The following ZNF618 variants were observed in gnomAD, a reference collection of about 807,000 sequenced individuals.
The protein encoded by ZNF618 is neural precursor cell expressed, developmentally down-regulated 10.
A neutral mutation model predicts 103.0 loss-of-function variants in ZNF618; 34 were observed. The ratio of observed to expected loss-of-function variants is 0.33; its 90% confidence interval spans 0.25 to 0.44. ZNF618 has a LOEUF of 0.44. ZNF618 is among the 20% of genes least tolerant of loss of function. ZNF618 has a pLI of 1.00. For synonymous variants in ZNF618, 551 were observed against 542.2 expected, an observed-to-expected ratio of 1.02 and a Z score of -0.23; for missense variants, 1,059 against 1,295.4, an observed-to-expected ratio of 0.82 and a Z score of 2.80.
intron 1 of ZNF618, among the ~76,000 whole-genome samples, chr9:113,964,371 C>A (rs1837158500): frequency 6.6e-6 from 1 of 152,120 alleles, no homozygotes; most frequent in Admixed American, 6.6e-5. Flanking sequence ...TTATGGGCGC[C>A]CCAGCATTCT....
At chr9:113,916,530 C>T (rs1478475241) in intron 1 of ZNF618, among the ~76,000 whole-genome samples, 3 of 152,112 alleles carry the variant, frequency 2.0e-5, no homozygotes, top group Non-Finnish European at 4.4e-5. Flanking sequence ...GGAGCTGTCC[C>T]GTGGAAAGGG....
At chr9:114,009,973 A>G (rs1166863942) in intron 9 of ZNF618, among the ~76,000 whole-genome samples, 1 of 152,268 alleles carries the variant, frequency 6.6e-6, no homozygotes. Context: ...TGTCACATGC[A>G]TAGTAAACAC....
intron 2 of ZNF618, among the ~76,000 whole-genome samples, chr9:113,977,201 G>T (rs1181005706): frequency 6.6e-6 from 1 of 152,166 alleles, no homozygotes; most frequent in Non-Finnish European, 1.5e-5. Context: ...GCAAAGCTAT[G>T]TCAGCAGCTG....
intron 1 of ZNF618, among the ~76,000 whole-genome samples, chr9:113,956,703 G>T (rs1836338241): frequency 6.6e-6 from 1 of 152,176 alleles, no homozygotes; most frequent in African/African-American, 2.4e-5. Flanking sequence ...GTTGTCCTGT[G>T]GTCAGGGAAG....
rs1252713640 is a variant in ZNF618 at position 114,048,899 on chromosome 9, G to A, written c.1597G>A (p.Val533Met). ...LKHLPRMYNQ[V>M]KVKVTCALGS... ...GCACCTGCCACGCATGTACAACCAG[G>A]TGAAGGTGAAAGTGACCTGTGCCTT... The change falls in exon 15 of 15, where the codon GTG (valine) becomes ATG (methionine). Residue 533 changes from valine (V) to methionine (M), a missense_variant. Around this residue, in one of 6 missense-constraint regions of ZNF618, gnomAD observed 272 missense variants for 380.1 expected, o/e 0.72. Coordinates refer to ENST00000374126, the MANE Select transcript of ZNF618 (RefSeq NM_001318042.2). 6.2e-7 allele frequency: 1 copy of A among 1,608,780 alleles called. No individual in the cohort carries two copies. The highest frequency in any genetic ancestry group is 8.5e-7 in the Non-Finnish European group (1 of 1,177,586).
chr9:113,913,183 A>C (rs1831718820), intron 1 of ZNF618, among the ~76,000 whole-genome samples: 1 of 152,012 alleles, frequency 6.6e-6, no homozygotes, highest in Admixed American at 6.6e-5. Context: ...TGCCCCTAGA[A>C]TCTCACTCAG....
chr9:113,946,206 C>A (rs1835015419), intron 1 of ZNF618, among the ~76,000 whole-genome samples: 1 of 152,180 alleles, frequency 6.6e-6, no homozygotes, highest in Non-Finnish European at 1.5e-5. Context: ...ACAGGCTTAG[C>A]CCCCTCACGG....
chr9:113,930,650 C>T (rs1833498206), intron 1 of ZNF618, among the ~76,000 whole-genome samples: 1 of 152,234 alleles, frequency 6.6e-6, no homozygotes, highest in Admixed American at 6.5e-5. Flanking sequence ...AACGTACTCA[C>T]ATTTCTGTCC....
chr9:113,998,555 G>C (rs949298747), intron 4 of ZNF618, among the ~76,000 whole-genome samples: 7 of 152,224 alleles, frequency 4.6e-5, no homozygotes, highest in African/African-American at 1.7e-4. Context: ...GACTACTGGA[G>C]GGACGATAGA....
At chr9:114,001,227 G>A (rs536219457) in intron 4 of ZNF618, among the ~76,000 whole-genome samples, 40 of 151,904 alleles carry the variant, frequency 2.6e-4, no homozygotes, top group Admixed American at 6.5e-4. Context: ...CTCACTAGGA[G>A]CTTGGCCATT....
At chr9:113,917,774 G>A (rs1314649609) in intron 1 of ZNF618, among the ~76,000 whole-genome samples, 7 of 152,046 alleles carry the variant, frequency 4.6e-5, no homozygotes, top group Non-Finnish European at 1.0e-4. Context: ...CTTTGATTTC[G>A]AAAGATTTCA....
In ZNF618 at chr9:114,049,321, C is replaced by T. The variant is rs777684366; in HGVS notation, c.2019C>T (p.Gly673=). The part of the protein sequence containing the change: ...ELLNVCEDLA[G]STGLAKETFG... ...TCAACGTGTGCGAGGACCTGGCGGG[C>T]TCCACGGGCCTGGCCAAGGAGACCT... The change falls in exon 15 of 15, where the codon GGC becomes GGT. Residue 673 remains glycine, a synonymous_variant. Transcript: ENST00000374126. 6.2e-7 allele frequency: 1 copy of T among 1,611,554 alleles called. No homozygotes were observed. Among genetic ancestry groups the T allele is most frequent in the South Asian group, 1.1e-5 (1 of 91,008 alleles).
At chr9:113,985,736 G>GA (rs1448575883) in intron 2 of ZNF618, among the ~76,000 whole-genome samples, 16 of 152,310 alleles carry the variant, frequency 1.1e-4, no homozygotes, top group African/African-American at 3.4e-4. Context: ...AGTCCAGGCT[G>GA]CCTGCATCAG....
chr9:114,033,123 T>C (rs928361675), intron 12 of ZNF618, among the ~76,000 whole-genome samples: 1 of 152,140 alleles, frequency 6.6e-6, no homozygotes, highest in Non-Finnish European at 1.5e-5. Flanking sequence ...GAGAGAGCTC[T>C]AAGAGGCCGG....
chr9:114,016,010 G>T (rs1033147249), intron 9 of ZNF618: 2 of 1,108,698 alleles, frequency 1.8e-6, no homozygotes, highest in African/African-American at 1.6e-5. Context: ...CTCCCCCAAG[G>T]GGGTAGATGC....
chr9:113,885,960 G>A (rs939462323), intron 1 of ZNF618, among the ~76,000 whole-genome samples: 2 of 152,178 alleles, frequency 1.3e-5, no homozygotes, highest in African/African-American at 4.8e-5. Flanking sequence ...CCCCCAGTCT[G>A]CTATAGAAAA....
intron 10 of ZNF618, 118 bp from the exon 11 acceptor site, chr9:114,028,615 A>G (rs888711629): frequency 1.5e-6 from 2 of 1,351,394 alleles, no homozygotes; most frequent in African/African-American, 1.5e-5. Flanking sequence ...TCTCTGTGGC[A>G]CAAGAAGAGG....
chr9:113,919,284 A>G (rs1238662600), intron 1 of ZNF618, among the ~76,000 whole-genome samples: 4 of 152,202 alleles, frequency 2.6e-5, no homozygotes, highest in African/African-American at 9.7e-5. Flanking sequence ...GGCTGATGGC[A>G]GAGGTCCTGG....
At chr9:113,922,502 C>T (rs188946575) in intron 1 of ZNF618, among the ~76,000 whole-genome samples, 5 of 138,512 alleles carry the variant, frequency 3.6e-5, no homozygotes, top group East Asian at 2.1e-4. Flanking sequence ...TTTTTGCATG[C>T]GGATGCCCAG....
Sources: gnomAD v4.1 joint callset for allele counts (sites outside exome capture counted in the v4.1 genomes callset) on GRCh38, gnomAD v4.1.1 for gene constraint, gnomAD v4.1.1 regional missense constraint, MANE v1.5 for transcripts, NCBI Gene and HGNC (gene_info 2026-07-23, HGNC 2026-07-21) for gene names.